EDEM3: variants seen among roughly 807,000 people sequenced by gnomAD.
EDEM3 encodes ER degradation-enhancing alpha-mannosidase-like protein 3.
Under a neutral mutation model 110.2 loss-of-function variants are expected in EDEM3, and 60 were observed. The observed-to-expected ratio is 0.54, with a 90% confidence interval of 0.44 to 0.67. The LOEUF (loss-of-function observed/expected upper bound fraction) is 0.67, where lower values mean the gene tolerates loss of function less well. Ranked by LOEUF, EDEM3 falls within the 30% of genes least tolerant of loss-of-function variation. The pLI, the probability that EDEM3 is intolerant of heterozygous loss-of-function variation, is 0.00. For synonymous variants in EDEM3, 352 were observed against 382.9 expected, an observed-to-expected ratio of 0.92 and a Z score of 0.94; for missense variants, 996 against 1,121.0, an observed-to-expected ratio of 0.89 and a Z score of 1.59.
chr1:184,694,615 T>A, intron 19 of EDEM3, 143 bp from the exon 20 acceptor site: 2 of 769,388 alleles, frequency 2.6e-6, no homozygotes, highest in Non-Finnish European at 4.0e-6. Flanking sequence ...GCATCAGCAC[T>A]GAAATGAAGA....
At chr1:184,696,834 G>A (rs1353253332) in intron 19 of EDEM3, among the ~76,000 whole-genome samples, 1 of 151,864 alleles carries the variant, frequency 6.6e-6, no homozygotes, top group Non-Finnish European at 1.5e-5. Context: ...AAAGGTGTAG[G>A]GTTGTTTTAC....
chr1:184,752,280 C>A (rs985551944), intron 1 of EDEM3, among the ~76,000 whole-genome samples: 1 of 152,092 alleles, frequency 6.6e-6, no homozygotes, highest in South Asian at 2.1e-4. Flanking sequence ...CATGACAATT[C>A]CAGTCTTTAT....
chr1:184,712,678 GT>G, intron 13 of EDEM3, 80 bp from the exon 14 acceptor site: 1 of 979,488 alleles, frequency 1.0e-6, no homozygotes, highest in East Asian at 2.8e-5. Flanking sequence ...TAGAGTCAAG[GT>G]TAATAATCCT....
chr1:184,754,298 C>G (rs76762276), intron 1 of EDEM3, among the ~76,000 whole-genome samples, 191 bp downstream of exon 1: 4 of 152,194 alleles, frequency 2.6e-5, no homozygotes, highest in Middle Eastern at 6.3e-3. Flanking sequence ...CCCGTCAGCT[C>G]CCCCGAGGTC....
intron 4 of EDEM3, among the ~76,000 whole-genome samples, chr1:184,736,297 G>C (rs778001390): frequency 1.1e-4 from 16 of 151,912 alleles, no homozygotes; most frequent in Non-Finnish European, 2.2e-4. Context: ...ACAACATTGA[G>C]AAGCCCAGTT....
At chr1:184,719,959 A>G (rs1650791417) in intron 9 of EDEM3, among the ~76,000 whole-genome samples, 1 of 152,194 alleles carries the variant, frequency 6.6e-6, no homozygotes, top group Non-Finnish European at 1.5e-5. Context: ...GTATCTTGGA[A>G]GTTTGATCCC....
chr1:184,740,661 T>G lies in EDEM3; in HGVS notation c.205-2950A>C, dbSNP rs549533835. Among the ~76,000 whole-genome samples the G allele has an allele frequency of 5.9e-5, 9 of 152,278 alleles. No homozygotes were observed. The South Asian group carries it at 1.2e-3, about 21-fold the overall frequency. Reference sequence around the variant, plus strand: ...ACAAAGGAGAATTAGCCAACAAACATGAGAGTCTGGCAAAGAAATAAAAGG... The same window carrying G: ...ACAAAGGAGAATTAGCCAACAAACAGGAGAGTCTGGCAAAGAAATAAAAGG... On this transcript the variant is annotated intron_variant, in intron 2 of 19. Coordinates refer to ENST00000318130, the MANE Select transcript of EDEM3 (RefSeq NM_025191.4).
chr1:184,724,727 T>G lies in EDEM3; in HGVS notation c.748-871A>C, dbSNP rs150118551. ...CTCTTAAACACAAAGCAGGTTATAA[T>G]TTTAATTAAATGGCAGAATTTCAGA... On this transcript the variant is annotated intron_variant, in intron 7 of 19. Transcript: ENST00000318130. Among the ~76,000 whole-genome samples the G allele has an allele frequency of 1.7e-4, 26 of 152,292 alleles. No individual in the cohort carries two copies. In the East Asian group the frequency reaches 4.4e-3, roughly 26 times the overall value.
rs143027024 is a variant in EDEM3, at chr1:184,733,420, T to C, written c.459-430A>G. ...TAAAACTACATAACAATTTCTTACA[T>C]TTAATTGAAGAGTAGACTCACTTTG... On this transcript the variant is annotated intron_variant, in intron 5 of 19. Transcript: ENST00000318130. Among the ~76,000 whole-genome samples the C allele has an allele frequency of 5.1e-4, 77 of 152,366 alleles. 4 individuals are homozygous for C. In the East Asian group the frequency reaches 0.012, roughly 23 times the overall value.
chr1:184,748,699 CAAT>C (rs1332708857), intron 2 of EDEM3, among the ~76,000 whole-genome samples: 7 of 152,012 alleles, frequency 4.6e-5, no homozygotes, highest in African/African-American at 1.7e-4. Context: ...TCATAGATAA[CAAT>C]GATGTTAGTG....
intron 13 of EDEM3, among the ~76,000 whole-genome samples, chr1:184,714,049 T>C (rs985369779): frequency 6.6e-6 from 1 of 152,258 alleles, no homozygotes; most frequent in Non-Finnish European, 1.5e-5. Context: ...CCTGTTTATC[T>C]GCAATACACT....
At chr1:184,741,763 G>C (rs72737777) in intron 2 of EDEM3, among the ~76,000 whole-genome samples, 1,634 of 152,214 alleles carry the variant, frequency 0.011, 9 homozygotes, top group Non-Finnish European at 0.017. Context: ...AGAGTATAAC[G>C]GGTATTGTAG....
chr1:184,752,073 T>G (rs1652799545), intron 1 of EDEM3, among the ~76,000 whole-genome samples: 1 of 152,262 alleles, frequency 6.6e-6, no homozygotes, highest in South Asian at 2.1e-4. Context: ...TTTCTAAAGT[T>G]ACGTCTCCTG....
At chr1:184,716,710 A>C (rs994749491) in intron 13 of EDEM3, among the ~76,000 whole-genome samples, 178 bp downstream of exon 13, 1 of 152,192 alleles carries the variant, frequency 6.6e-6, no homozygotes, top group Non-Finnish European at 1.5e-5. Flanking sequence ...ATAAAAATAC[A>C]AACTTTTCAA....
intron 19 of EDEM3, among the ~76,000 whole-genome samples, chr1:184,699,177 A>G (rs1322521652): frequency 6.6e-6 from 1 of 151,804 alleles, no homozygotes; most frequent in East Asian, 1.9e-4. Context: ...GATGTTTTAG[A>G]ACCATTCATT....
chr1:184,721,620 T>C (rs1424985568), intron 8 of EDEM3, among the ~76,000 whole-genome samples: 1 of 152,030 alleles, frequency 6.6e-6, no homozygotes, highest in Non-Finnish European at 1.5e-5. Flanking sequence ...TCTTGTGTTC[T>C]TTAAGAAATT....
In EDEM3 at chr1:184,754,568, C is replaced by G; in HGVS notation, c.79G>C (p.Ala27Pro). The G allele has an allele frequency of 6.2e-7, 1 of 1,609,824 alleles. No individual in the cohort carries two copies. The highest frequency in any genetic ancestry group is 8.5e-7 in the Non-Finnish European group (1 of 1,178,812). The change falls in exon 1 of 20, where the codon GCG becomes CCG. Residue 27 changes from alanine to proline, a missense_variant. By Grantham distance (27) the Ala-to-Pro change is conservative. This residue lies in a region of EDEM3 where 200 missense variants were observed against 183.8 expected (regional missense o/e 1.09). Transcript: ENST00000318130. ...ARWRLVAATA[A>P]FCLVSATSVW... ...GAGGTGGCCGACACCAGGCAGAACG[C>G]GGCCGTCGCCGCCACTAGTCTCCAT...
intron 2 of EDEM3, among the ~76,000 whole-genome samples, chr1:184,747,329 T>C (rs1016172902): frequency 6.6e-6 from 1 of 152,162 alleles, no homozygotes; most frequent in Non-Finnish European, 1.5e-5. Flanking sequence ...CCTATACACT[T>C]TTACCCTACA....
chr1:184,754,552 G>A lies in EDEM3; in HGVS notation c.95C>T (p.Ser32Leu). The stretch of plus-strand genomic sequence containing the variant: ...CCCCGCCGTCCACACGGAGGTGGCC[G>A]ACACCAGGCAGAACGCGGCCGTCGC... ...VAATAAFCLV[S>L]ATSVWTAGAE... The change falls in exon 1 of 20, where the codon TCG (serine) becomes TTG (leucine). Residue 32 changes from serine to leucine, a missense_variant. This residue lies in a region of EDEM3 where 200 missense variants were observed against 183.8 expected (regional missense o/e 1.09). Transcript: ENST00000318130. 3 of 1,612,698 alleles carry A rather than the reference G, an allele frequency of 1.9e-6. No homozygotes were observed. The highest frequency in any genetic ancestry group is 2.5e-6 in the Non-Finnish European group (3 of 1,179,774).
Sources: allele counts gnomAD v4.1 joint callset (sites outside exome capture counted in the v4.1 genomes callset), GRCh38; gene constraint gnomAD v4.1.1; regional missense constraint gnomAD v4.1.1; transcripts MANE v1.5; gene names NCBI Gene and HGNC (gene_info 2026-07-23, HGNC 2026-07-21).